Variants in FLT1 observed in about 807,000 individuals in gnomAD.
FLT1 encodes the protein fms related receptor tyrosine kinase 1, also known as vascular endothelial growth factor receptor 1.
In FLT1, 49 loss-of-function variants were observed where a neutral mutation model predicts 156.3. The ratio of observed to expected loss-of-function variants is 0.31; its 90% CI spans 0.25 to 0.40. The LOEUF (loss-of-function observed/expected upper bound fraction) is 0.40. Among genes scored for constraint, FLT1 ranks in the 10% least tolerant of loss-of-function variants. The pLI is 1.00. For missense variants in FLT1, 1,322 were observed against 1,637.2 expected (o/e 0.81, Z 3.32); for synonymous variants, 594 against 583.8 (o/e 1.02, Z -0.25).
At chr13:28,384,795 C>A (rs1025152409) in intron 14 of FLT1, 90 bp downstream of exon 14, 2 of 1,236,910 alleles carry the variant, frequency 1.6e-6, no homozygotes, top group African/African-American at 3.0e-5. Context: ...TAGGTCTATA[C>A]ATACTGGAAG....
At chr13:28,329,085 A>T (rs1165198574) in intron 19 of FLT1, among the ~76,000 whole-genome samples, 1 of 152,022 alleles carries the variant, frequency 6.6e-6, no homozygotes, top group East Asian at 1.9e-4. Flanking sequence ...TCACACATCT[A>T]CTCTGCCCTA....
Position 28,339,127 on chromosome 13 carries a change from G to C in FLT1, c.2488+41C>G, listed in dbSNP as rs761360536. ...GCACAGTGTTTTTCATGTAATATGTGCTCAGTATAGGTTTATGAATCTGTT... is the reference window on the plus strand; with the variant it reads ...GCACAGTGTTTTTCATGTAATATGTCCTCAGTATAGGTTTATGAATCTGTT... On this transcript the variant is annotated intron_variant, in intron 17 of 29. Transcript: ENST00000282397. The C allele has an allele frequency of 4.4e-6, 7 of 1,588,850 alleles. No individual in the cohort carries two copies. In the African/African-American group the frequency reaches 9.4e-5, roughly 21 times the overall value.
rs1193650270 is a variant in FLT1 at position 28,427,034 on chromosome 13, G to A, written c.1436+125C>T. The stretch of plus-strand genomic sequence containing the variant: ...GTTGCCCACCTTTTTCCAAGGCAGG[G>A]AGAGCCTTTGCCTCAAATATACAGT... On this transcript the variant is annotated intron_variant, in intron 10 of 29. Transcript: ENST00000282397. 15 of 887,122 alleles carry A rather than the reference G, an allele frequency of 1.7e-5. No individual in the cohort carries two copies. In the Admixed American group the frequency reaches 2.3e-4, roughly 14 times the overall value. The allele number at this position is 887,122 out of a possible 1,614,324, so 55.0% of individuals were successfully genotyped here. A position where few individuals can be genotyped will look rare whatever the true frequency, so the allele number is the denominator to read the frequency against.
chr13:28,366,986 TG>T (rs1279455017), intron 14 of FLT1, among the ~76,000 whole-genome samples: 1 of 152,134 alleles, frequency 6.6e-6, no homozygotes, highest in Admixed American at 6.5e-5. Context: ...CTTCAGTAAC[TG>T]AGGAAAATGA....
chr13:28,413,710 C>A (rs1876467246), intron 10 of FLT1, among the ~76,000 whole-genome samples: 1 of 152,040 alleles, frequency 6.6e-6, no homozygotes, highest in South Asian at 2.1e-4. Flanking sequence ...ATATTTTAAG[C>A]TATCATTATA....
At chr13:28,416,860 AT>A (rs1876678459) in intron 10 of FLT1, among the ~76,000 whole-genome samples, 1 of 152,230 alleles carries the variant, frequency 6.6e-6, no homozygotes, top group African/African-American at 2.4e-5. Flanking sequence ...TGATCATCTT[AT>A]ATAATTTTCA....
At position 28,303,090 on chromosome 13, in the gene FLT1, C is replaced by T. The variant is rs1334934426; in HGVS notation, c.*77G>A. The T allele has an allele frequency of 2.3e-6, 3 of 1,327,936 alleles. No individual in the cohort carries two copies. In the East Asian group the frequency reaches 6.9e-5, roughly 31 times the overall value. 82.3% of individuals were successfully genotyped at this position (1,327,936 alleles called of 1,614,324 possible). A position where few individuals can be genotyped will look rare whatever the true frequency, so the allele number is the denominator to read the frequency against. On this transcript the variant is annotated 3_prime_UTR_variant, in exon 30 of 30. Coordinates refer to ENST00000282397, the MANE Select transcript of FLT1 (RefSeq NM_002019.4). ...AGATAAAGGTGTAAACTTATATATGCATAATACTGGCAAAAGCTAGTTTCC... is the reference window on the plus strand; with the variant it reads ...AGATAAAGGTGTAAACTTATATATGTATAATACTGGCAAAAGCTAGTTTCC...
At chr13:28,315,591 T>G (rs951197326) in intron 25 of FLT1, among the ~76,000 whole-genome samples, 1 of 151,802 alleles carries the variant, frequency 6.6e-6, no homozygotes, top group African/African-American at 2.4e-5. Flanking sequence ...TAAACTAATT[T>G]CATACTATTT....
intron 14 of FLT1, among the ~76,000 whole-genome samples, chr13:28,379,153 GC>G (rs1399775063): frequency 4.6e-5 from 7 of 152,058 alleles, no homozygotes; most frequent in Non-Finnish European, 1.5e-5. Context: ...GACCAGCCTG[GC>G]CAACATGGTG....
At chr13:28,463,222 T>C (rs1156853698) in intron 3 of FLT1, among the ~76,000 whole-genome samples, 3 of 152,216 alleles carry the variant, frequency 2.0e-5, no homozygotes, top group African/African-American at 4.8e-5. Flanking sequence ...ATTTAATACA[T>C]TATGCTAGAG....
intron 14 of FLT1, among the ~76,000 whole-genome samples, chr13:28,378,349 G>A (rs1873935107): frequency 6.6e-6 from 1 of 152,100 alleles, no homozygotes; most frequent in Non-Finnish European, 1.5e-5. Flanking sequence ...GCCTGACCGA[G>A]ACTTAATCTT....
chr13:28,473,835 A>AAGGAAGG (rs1566051004), intron 1 of FLT1, among the ~76,000 whole-genome samples: 13 of 118,862 alleles, frequency 1.1e-4, no homozygotes, highest in South Asian at 7.5e-4. Context: ...AGAAAGAAAG[A>AAGGAAGG]AAGGAAGAAA....
At chr13:28,430,274 TG>T in intron 7 of FLT1, 107 bp from the exon 8 acceptor site, 1 of 773,948 alleles carries the variant, frequency 1.3e-6, no homozygotes, top group Non-Finnish European at 2.3e-6. Flanking sequence ...TAAACAGAGC[TG>T]AATTATGATA....
intron 1 of FLT1, among the ~76,000 whole-genome samples, chr13:28,470,879 C>T (rs866949336): frequency 2.6e-5 from 4 of 152,046 alleles, no homozygotes; most frequent in African/African-American, 7.2e-5. Context: ...TTAGTAGAGA[C>T]GGGGTTTTGC....
chr13:28,412,444 C>T (rs373932442), intron 10 of FLT1, among the ~76,000 whole-genome samples: 44 of 142,794 alleles, frequency 3.1e-4, no homozygotes, highest in South Asian at 4.6e-4. Context: ...TTTTTTGAGA[C>T]GGGGTCTCAC....
At chr13:28,325,234 C>T (rs1469447229) in intron 20 of FLT1, among the ~76,000 whole-genome samples, 1 of 152,178 alleles carries the variant, frequency 6.6e-6, no homozygotes, top group Non-Finnish European at 1.5e-5. Flanking sequence ...ATTCTGCTGG[C>T]TTAGCTCTTC....
Position 28,439,973 on chromosome 13 carries a change from A to C in FLT1, c.389-1628T>G, listed in dbSNP as rs1442293914. Among the ~76,000 whole-genome samples the C allele has an allele frequency of 1.3e-5, 2 of 152,224 alleles. No homozygotes were observed. Among genetic ancestry groups the C allele is most frequent in the Admixed American group, 6.5e-5 (1 of 15,282 alleles). On this transcript the variant is annotated intron_variant, in intron 3 of 29. Coordinates refer to ENST00000282397, the MANE Select transcript of FLT1 (RefSeq NM_002019.4). The surrounding 1 kb of genome is among the most constrained non-coding windows in gnomAD (Gnocchi z 4.1). The stretch of plus-strand genomic sequence containing the variant: ...GATAGTTTTCTGCACAGCAGTGTGG[A>C]ATGGAGGCACAGATGTGAGCTCTAG...
intron 10 of FLT1, among the ~76,000 whole-genome samples, chr13:28,422,525 C>T (rs921536652): frequency 2.0e-5 from 3 of 152,132 alleles, no homozygotes; most frequent in Non-Finnish European, 2.9e-5. Flanking sequence ...AATAAAGACC[C>T]AAACACATTC....
chr13:28,329,873 A>G, intron 18 of FLT1, 145 bp from the exon 19 acceptor site: 1 of 725,834 alleles, frequency 1.4e-6, no homozygotes, highest in Admixed American at 2.0e-5. Context: ...CCAAGTCTCC[A>G]GACTGTTTTC....
Sources: allele counts gnomAD v4.1 joint callset (sites outside exome capture counted in the v4.1 genomes callset), GRCh38; gene constraint gnomAD v4.1.1; non-coding constraint Gnocchi (gnomAD v3.1); transcripts MANE v1.5; gene names NCBI Gene and HGNC (gene_info 2026-07-23, HGNC 2026-07-21).